Variants in COQ8A observed in about 807,000 individuals in gnomAD.
COQ8A encodes the protein atypical kinase COQ8A, mitochondrial.
Under a neutral mutation model 65.0 loss-of-function variants are expected in COQ8A, and 51 were observed. The ratio of observed to expected loss-of-function variants is 0.78; its 90% confidence interval spans 0.63 to 0.99. The LOEUF is 0.99. COQ8A is among the 50% of genes least tolerant of loss of function. The pLI is 0.00. For missense variants in COQ8A, 940 were observed against 875.0 expected (o/e 1.07, Z -0.94); for synonymous variants, 371 against 353.2 (o/e 1.05, Z -0.57).
At chr1:226,953,084 C>T (rs971121892) in intron 1 of COQ8A, among the ~76,000 whole-genome samples, 4 of 152,128 alleles carry the variant, frequency 2.6e-5, no homozygotes, top group Admixed American at 6.5e-5. Flanking sequence ...GGCTGGAGTG[C>T]AGTGGCATGA....
In COQ8A at chr1:226,965,730, CT is replaced by C; in HGVS notation, c.650del (p.Phe217SerfsTer65). On this transcript the variant is annotated frameshift_variant, in exon 4 of 15. Coordinates refer to ENST00000366777, the MANE Select transcript of COQ8A (RefSeq NM_020247.5). LOFTEE classifies it high-confidence loss of function. ...TGACGAGGATTGGCCGGCTGGCCAA[CT>C]TCGGAGGTAAGGTGGCTGTGTGCCC... ...PVTRIGRLAN[F>X]GGLAVGLGFG... is the part of the protein sequence containing the mutation. The C allele has an allele frequency of 6.2e-7, 1 of 1,613,794 alleles. No homozygotes were observed. Among genetic ancestry groups the C allele is most frequent in the Non-Finnish European group, 8.5e-7 (1 of 1,180,030 alleles).
intron 3 of COQ8A, 81 bp downstream of exon 3, chr1:226,965,491 T>C: frequency 1.9e-6 from 3 of 1,563,806 alleles, no homozygotes; most frequent in Non-Finnish European, 2.6e-6. Context: ...CTAGGGACTT[T>C]TCCTGGGTGC....
At chr1:226,953,542 C>G (rs1475523092) in intron 1 of COQ8A, among the ~76,000 whole-genome samples, 1 of 152,246 alleles carries the variant, frequency 6.6e-6, no homozygotes, top group African/African-American at 2.4e-5. Context: ...GGGGCCAGCT[C>G]TGAGAGCCCA....
intron 1 of COQ8A, among the ~76,000 whole-genome samples, chr1:226,952,870 G>A (rs760632492): frequency 3.3e-5 from 5 of 151,978 alleles, no homozygotes; most frequent in Non-Finnish European, 5.9e-5. Context: ...GAAAAGCAAC[G>A]TTCCTGTTTT....
intron 4 of COQ8A, among the ~76,000 whole-genome samples, chr1:226,975,274 C>T (rs1022739776): frequency 3.9e-5 from 6 of 152,106 alleles, no homozygotes; most frequent in Non-Finnish European, 8.8e-5. Flanking sequence ...CAGGCACCCC[C>T]ATCCCAACAC....
At chr1:226,986,348 A>G in intron 14 of COQ8A, 105 bp from the exon 15 acceptor site, 2 of 1,292,248 alleles carry the variant, frequency 1.5e-6, no homozygotes. Flanking sequence ...AGTTTACAGC[A>G]GAGCTTTGAA....
At chr1:226,963,791 G>C (rs1038453202) in intron 2 of COQ8A, among the ~76,000 whole-genome samples, 3 of 152,164 alleles carry the variant, frequency 2.0e-5, no homozygotes, top group Non-Finnish European at 4.4e-5. Flanking sequence ...TTTTAGTAGA[G>C]ATGGGGTTTC....
intron 10 of COQ8A, 46 bp from the exon 11 acceptor site, chr1:226,984,048 G>T: frequency 6.2e-7 from 1 of 1,610,290 alleles, no homozygotes; most frequent in Non-Finnish European, 8.5e-7. Flanking sequence ...GGGGGGGACG[G>T]TGTGGAGGGC....
chr1:226,977,786 A>G (rs1659332439), intron 5 of COQ8A, among the ~76,000 whole-genome samples: 1 of 151,908 alleles, frequency 6.6e-6, no homozygotes, highest in South Asian at 2.1e-4. Flanking sequence ...CTGCACATCC[A>G]CACGCCTTCT....
At chr1:226,984,298 C>T in intron 11 of COQ8A, 63 bp downstream of exon 11, 2 of 1,604,448 alleles carry the variant, frequency 1.2e-6, no homozygotes, top group South Asian at 1.1e-5. Context: ...GTTTGGTGAC[C>T]TAATAGTGTG....
At position 226,983,515 on chromosome 1, in the gene COQ8A, C is replaced by T. The variant is rs374501290; in HGVS notation, c.1081-37C>T. On this transcript the variant is annotated intron_variant, in intron 8 of 14. Coordinates refer to ENST00000366777, the MANE Select transcript of COQ8A (RefSeq NM_020247.5). Reference sequence around the variant, plus strand: ...CCCCAGGCAGGGCCCACCCGTCTCCCTGGGCTAACTCCCCTGCCTCACCCA... The same window carrying T: ...CCCCAGGCAGGGCCCACCCGTCTCCTTGGGCTAACTCCCCTGCCTCACCCA... The T allele has an allele frequency of 3.3e-5, 52 of 1,598,754 alleles. No individual in the cohort carries two copies. In the African/African-American group the frequency reaches 6.0e-4, roughly 19 times the overall value.
At chr1:226,978,113 AC>A (rs1233540767) in intron 5 of COQ8A, among the ~76,000 whole-genome samples, 2 of 138,920 alleles carry the variant, frequency 1.4e-5, no homozygotes, top group Non-Finnish European at 3.1e-5. Flanking sequence ...CACGTCACAC[AC>A]CCCCTGCACA....
At chr1:226,965,837 G>A (rs1558191952) in intron 4 of COQ8A, 100 bp downstream of exon 4, 1 of 1,349,188 alleles carries the variant, frequency 7.4e-7, no homozygotes, top group Non-Finnish European at 1.0e-6. Flanking sequence ...CCCGGGGAGG[G>A]CGTTGGGGGA....
chr1:226,947,564 T>C (rs990460560), intron 1 of COQ8A, among the ~76,000 whole-genome samples: 1 of 152,124 alleles, frequency 6.6e-6, no homozygotes, highest in Admixed American at 6.5e-5. Flanking sequence ...CCCAGCACTT[T>C]GGGAGGCCGA....
chr1:226,947,855 G>A (rs1657138526), intron 1 of COQ8A, among the ~76,000 whole-genome samples: 1 of 151,884 alleles, frequency 6.6e-6, no homozygotes. Flanking sequence ...CCAATATAGA[G>A]AAAGTCAACA....
intron 1 of COQ8A, among the ~76,000 whole-genome samples, chr1:226,947,936 C>T (rs944601): frequency 5.3e-5 from 8 of 152,120 alleles, no homozygotes; most frequent in Non-Finnish European, 8.8e-5. Context: ...CTTGGTGCCT[C>T]GCACTTGGTT....
chr1:226,950,810 C>T (rs1657329279), intron 1 of COQ8A, among the ~76,000 whole-genome samples: 1 of 151,902 alleles, frequency 6.6e-6, no homozygotes, highest in African/African-American at 2.4e-5. Context: ...CTGCTTTCAA[C>T]AAGCTCTTGT....
In COQ8A at chr1:226,965,325, C is replaced by A. The variant is rs748206532; in HGVS notation, c.503C>A (p.Ser168Tyr). ...FQRRFFHQDQ[S>Y]PVGGLTAEDI... is the part of the protein sequence containing the mutation. Reference sequence around the variant, plus strand: ...CGAAGGTTCTTCCACCAGGACCAATCCCCTGTTGGGGGCCTCACAGCCGAG... The same window carrying A: ...CGAAGGTTCTTCCACCAGGACCAATACCCTGTTGGGGGCCTCACAGCCGAG... Residue 168 changes from serine (S) to tyrosine (Y), a missense_variant, in exon 3 of 15, where the codon TCC (serine) becomes TAC (tyrosine). Physicochemically the swap from Ser to Tyr is moderately radical, Grantham distance 144. Coordinates refer to ENST00000366777, the MANE Select transcript of COQ8A (RefSeq NM_020247.5). 13 of 1,613,552 alleles carry A rather than the reference C, an allele frequency of 8.1e-6. No individual in the cohort carries two copies. In the East Asian group the frequency reaches 2.7e-4, roughly 33 times the overall value.
At chr1:226,967,364 A>G (rs1658630630) in intron 4 of COQ8A, among the ~76,000 whole-genome samples, 1 of 150,188 alleles carries the variant, frequency 6.7e-6, no homozygotes, top group South Asian at 2.1e-4. Context: ...TTCACTCTAG[A>G]CTCTTGGTGA....
Sources: gnomAD v4.1 joint callset for allele counts (sites outside exome capture counted in the v4.1 genomes callset) on GRCh38, gnomAD v4.1.1 for gene constraint, MANE v1.5 for transcripts, NCBI Gene and HGNC (gene_info 2026-07-23, HGNC 2026-07-21) for gene names.